Variants in CEBPZ observed in about 807,000 individuals in gnomAD.
CEBPZ encodes the protein CCAAT enhancer binding protein zeta.
In CEBPZ, 78 loss-of-function variants were observed where a neutral mutation model predicts 104.5. That is an observed-to-expected ratio of 0.75 (90% CI 0.62 to 0.90). The LOEUF is 0.90. Ranked by LOEUF, CEBPZ falls within the 40% of genes least tolerant of loss-of-function variation. CEBPZ has a pLI of 0.00. For missense variants in CEBPZ, 1,439 were observed against 1,233.5 expected (o/e 1.17, Z -2.50); for synonymous variants, 470 against 427.0 (o/e 1.10, Z -1.24).
intron 13 of CEBPZ, chr2:37,209,487 C>T (rs1475858776): frequency 6.6e-6 from 1 of 152,086 alleles, no homozygotes; most frequent in African/African-American, 2.4e-5. Context: ...AGAAATAAAG[C>T]CAAATACTTA....
intron 6 of CEBPZ, 40 bp from the exon 7 acceptor site, chr2:37,216,458 T>G (rs1287229867): frequency 1.5e-6 from 2 of 1,375,868 alleles, no homozygotes; most frequent in Admixed American, 1.8e-5. Context: ...TAATTCAAAT[T>G]ATGTCTATGA....
At chr2:37,230,896 C>T (rs1400560151) in intron 1 of CEBPZ, among the ~76,000 whole-genome samples, 1 of 152,192 alleles carries the variant, frequency 6.6e-6, no homozygotes, top group Non-Finnish European at 1.5e-5. Context: ...CGCTCCCACT[C>T]CTTATCGTCC....
intron 4 of CEBPZ, 61 bp from the exon 5 acceptor site, chr2:37,220,534 TA>T: frequency 1.2e-6 from 1 of 802,104 alleles, no homozygotes. Flanking sequence ...AAGAGGTCAT[TA>T]AAAGCACCAC....
intron 13 of CEBPZ, chr2:37,209,067 A>C (rs1419953895): frequency 6.6e-6 from 1 of 151,962 alleles, no homozygotes; most frequent in Non-Finnish European, 1.5e-5. Flanking sequence ...AAAAATAATA[A>C]TACTTAGGAA....
intron 5 of CEBPZ, 111 bp downstream of exon 5, chr2:37,220,274 G>T (rs769803852): frequency 3.6e-6 from 1 of 281,062 alleles, no homozygotes; most frequent in African/African-American, 2.3e-5. Flanking sequence ...CCACAATCAT[G>T]CCACTGCACT....
chr2:37,205,849 A>T (rs186410441), intron 13 of CEBPZ, among the ~76,000 whole-genome samples: 2 of 152,340 alleles, frequency 1.3e-5, no homozygotes, highest in African/African-American at 4.8e-5. Context: ...TTGTAAGATA[A>T]TACTTTTAAA....
intron 1 of CEBPZ, among the ~76,000 whole-genome samples, chr2:37,229,381 G>A (rs1173956059): frequency 6.6e-6 from 1 of 152,142 alleles, no homozygotes; most frequent in Non-Finnish European, 1.5e-5. Context: ...AAAGAAAAAT[G>A]TGCAAAGGAC....
intron 9 of CEBPZ, among the ~76,000 whole-genome samples, 200 bp downstream of exon 9, chr2:37,214,686 C>A (rs570511055): frequency 1.3e-5 from 2 of 152,182 alleles, no homozygotes; most frequent in East Asian, 3.9e-4. Flanking sequence ...ATCCTTTGAT[C>A]TTTTCAAAAT....
In CEBPZ at chr2:37,222,579, T is replaced by G. The variant is rs758125500; in HGVS notation, c.1882-16A>C. 2.6e-6 allele frequency: 4 copies of G among 1,549,242 alleles called. No homozygotes were observed. The highest frequency in any genetic ancestry group is 3.5e-6 in the Non-Finnish European group (4 of 1,147,776). ...CATCAGACTCCTAACAAAAGTATAGTTTCATAAATCTACATAAATCAACTG... is the reference window on the plus strand; with the variant it reads ...CATCAGACTCCTAACAAAAGTATAGGTTCATAAATCTACATAAATCAACTG... On this transcript the variant is annotated splice_polypyrimidine_tract_variant and intron_variant, in intron 3 of 15. Coordinates refer to ENST00000234170, the MANE Select transcript of CEBPZ (RefSeq NM_005760.3).
At chr2:37,218,714 G>T (rs1664696363) in intron 5 of CEBPZ, among the ~76,000 whole-genome samples, 1 of 152,114 alleles carries the variant, frequency 6.6e-6, no homozygotes, top group Non-Finnish European at 1.5e-5. Flanking sequence ...GACCAGCCTG[G>T]ACAACATGGC....
At chr2:37,203,076 C>A in intron 13 of CEBPZ, 68 bp from the exon 14 acceptor site, 1 of 1,072,416 alleles carries the variant, frequency 9.3e-7, no homozygotes, top group South Asian at 1.7e-5. Flanking sequence ...TGCAATGCAA[C>A]ATGATTTTAT....
Position 37,211,865 on chromosome 2 carries a change from A to T in CEBPZ, c.2778T>A (p.Asp926Glu). ...EDGGTFMDVL[D>E]DESESVPELE... ...TACCTGGAACGCTCTCACTTTCATC[A>T]TCTAACACATCCATGAATGTTCCTC... Residue 926 changes from aspartate to glutamate, a missense_variant, in exon 12 of 16, where the codon GAT becomes GAA. Asp to Glu is a conservative substitution (Grantham distance 45). Transcript: ENST00000234170. 1.2e-6 allele frequency: 2 copies of T among 1,605,360 alleles called. No homozygotes were observed. Among genetic ancestry groups the T allele is most frequent in the Non-Finnish European group, 1.7e-6 (2 of 1,177,074 alleles).
In CEBPZ at chr2:37,216,651, T is replaced by G. The variant is rs150718966; in HGVS notation, c.2209-233A>C. Among the ~76,000 whole-genome samples, 14 of 152,326 alleles carry G rather than the reference T, an allele frequency of 9.2e-5. No individual in the cohort carries two copies. In the East Asian group the frequency reaches 1.9e-3, roughly 21 times the overall value. ...GTTGATTTGATGGATAGACTAATAT[T>G]AATAATGCAGGCCATCTAACCATTA... is the stretch of plus-strand genomic sequence containing the variant. On this transcript the variant is annotated intron_variant, in intron 6 of 15. Coordinates refer to ENST00000234170, the MANE Select transcript of CEBPZ (RefSeq NM_005760.3).
Position 37,227,764 on chromosome 2 carries a change from C to G in CEBPZ, c.1429G>C (p.Asp477His). 3.1e-6 allele frequency: 5 copies of G among 1,601,366 alleles called. No homozygotes were observed. The highest frequency in any genetic ancestry group is 4.3e-6 in the Non-Finnish European group (5 of 1,171,294). Residue 477 changes from aspartate to histidine, a missense_variant, in exon 2 of 16, where the codon GAT becomes CAT. Physicochemically the swap from Asp to His is moderately conservative, Grantham distance 81. Transcript: ENST00000234170. Reference protein sequence around the residue: ...CFFRTCVKKKDVESKMLSALL... With the variant: ...CFFRTCVKKKHVESKMLSALL... ...GCGCTAAGCATTTTTGATTCAACAT[C>G]TTTTTTTTTGACACAAGTCCGAAAA... is the stretch of plus-strand genomic sequence containing the variant.
Position 37,222,480 on chromosome 2 carries a change from C to G in CEBPZ, c.1965G>C (p.Glu655Asp). 6.2e-7 allele frequency: 1 copy of G among 1,611,080 alleles called. No individual in the cohort carries two copies. Among genetic ancestry groups the G allele is most frequent in the Non-Finnish European group, 8.5e-7 (1 of 1,179,112 alleles). The stretch of plus-strand genomic sequence containing the variant: ...CCTCTGTCTCAAGTTTTTTCACTAT[C>G]TCTGTTTCTTTGTCTGCATCAGTGA... ...EKFTDADKET[E>D]IVKKLETEET... The change falls in exon 4 of 16, where the codon GAG (glutamate) becomes GAC (aspartate). Residue 655 changes from glutamate to aspartate, a missense_variant. Physicochemically the swap from Glu to Asp is conservative, Grantham distance 45. Transcript: ENST00000234170.
intron 15 of CEBPZ, chr2:37,202,575 A>G: frequency 2.7e-6 from 1 of 376,828 alleles, no homozygotes; most frequent in South Asian, 4.0e-5. Context: ...AACATGGGAG[A>G]TGGAGGTTGC....
chr2:37,230,046 C>T (rs1429624281), intron 1 of CEBPZ, among the ~76,000 whole-genome samples: 2 of 151,906 alleles, frequency 1.3e-5, no homozygotes, highest in Non-Finnish European at 2.9e-5. Context: ...GGGAAAAACA[C>T]GATTAAGGTT....
intron 10 of CEBPZ, 40 bp downstream of exon 10, chr2:37,213,824 G>A (rs1199373646): frequency 7.5e-7 from 1 of 1,332,578 alleles, no homozygotes; most frequent in Admixed American, 1.8e-5. Context: ...TTAACACATA[G>A]TAGTAGATTA....
In CEBPZ at chr2:37,223,275, T is replaced by C. The variant is rs767270012; in HGVS notation, c.1776A>G (p.Gln592=). ...ATGGTGGCATCTGTTGACAAGTAAC[T>C]TGAAGTAACCTCTTCACAAAAGCCT... ...RVKAFVKRLL[Q]VTCQQMPPFI... The change falls in exon 3 of 16, where the codon CAA becomes CAG. Residue 592 remains glutamine, a synonymous_variant. Coordinates refer to ENST00000234170, the MANE Select transcript of CEBPZ (RefSeq NM_005760.3). The C allele has an allele frequency of 1.2e-6, 2 of 1,614,036 alleles. No homozygotes were observed. The highest frequency in any genetic ancestry group is 1.3e-5 in the African/African-American group (1 of 74,932).
Sources: gnomAD v4.1 joint callset for allele counts (sites outside exome capture counted in the v4.1 genomes callset) on GRCh38, gnomAD v4.1.1 for gene constraint, MANE v1.5 for transcripts, NCBI Gene and HGNC (gene_info 2026-07-23, HGNC 2026-07-21) for gene names.